Variants in RBFOX1 observed in about 807,000 individuals in gnomAD.
The protein encoded by RBFOX1 is RNA binding protein fox-1 homolog 1.
RBFOX1 carries 8 observed loss-of-function variants against 57.7 expected under a neutral mutation model. That is an observed-to-expected ratio of 0.14 (90% CI 0.08 to 0.25). The LOEUF is 0.25. RBFOX1 is among the 10% of genes least tolerant of loss of function. The probability of loss-of-function intolerance (pLI) is 1.00; values close to 1 mark genes in which losing one functional copy is unlikely to be tolerated. For synonymous variants in RBFOX1, 326 were observed against 222.4 expected, an observed-to-expected ratio of 1.47 and a Z score of -4.15; for missense variants, 611 against 548.5, an observed-to-expected ratio of 1.11 and a Z score of -1.14.
chr16:6,742,598 G>A (rs961169932), intron 3 of RBFOX1, among the ~76,000 whole-genome samples: 5 of 152,118 alleles, frequency 3.3e-5, no homozygotes, highest in Non-Finnish European at 7.4e-5. Context: ...TCTACAGTAG[G>A]TGAATGGTTA....
chr16:6,434,046 C>G (rs888570848), intron 2 of RBFOX1, among the ~76,000 whole-genome samples: 1 of 151,992 alleles, frequency 6.6e-6, no homozygotes, highest in Non-Finnish European at 1.5e-5. Context: ...TGGGGCTTCA[C>G]CATGTTGGTC....
In RBFOX1 at chr16:6,162,740, G is replaced by T. The variant is rs559503811; in HGVS notation, c.-127+142748G>T. Reference sequence around the variant, plus strand: ...ATACAATGTGCTTTTGCCTTTGTGTGTGCGTGTGTTTGAGATGGAGTCTTG... The same window carrying T: ...ATACAATGTGCTTTTGCCTTTGTGTTTGCGTGTGTTTGAGATGGAGTCTTG... On this transcript the variant is annotated intron_variant, in intron 1 of 15. Coordinates refer to ENST00000550418, the MANE Select transcript of RBFOX1 (RefSeq NM_018723.4). Among the ~76,000 whole-genome samples the T allele has an allele frequency of 4.6e-5, 7 of 152,092 alleles. 1 individual carries two copies. Among genetic ancestry groups the T allele is most frequent in the South Asian group, 4.2e-4 (2 of 4,808 alleles).
At chr16:6,815,641 G>C (rs1033631302) in intron 3 of RBFOX1, among the ~76,000 whole-genome samples, 1 of 152,028 alleles carries the variant, frequency 6.6e-6, no homozygotes, top group Admixed American at 6.6e-5. Flanking sequence ...ACTTTCTCAA[G>C]GCTACCTACT....
intron 1 of RBFOX1, among the ~76,000 whole-genome samples, chr16:6,231,094 G>A (rs754247505): frequency 3.3e-5 from 5 of 152,142 alleles, no homozygotes; most frequent in Non-Finnish European, 5.9e-5. Context: ...GGGTAAGTTG[G>A]CCAGGAAAGG....
chr16:7,519,187 CTTGTGCCCCTT>C (rs1049305675), intron 5 of RBFOX1, among the ~76,000 whole-genome samples: 41 of 152,272 alleles, frequency 2.7e-4, no homozygotes, highest in African/African-American at 8.2e-4. Context: ...AAATACAAAT[CTTGTGCCCCTT>C]TGCAGCCACT....
chr16:5,828,934 A>C (rs1458777638), intron 3 of RBFOX1, among the ~76,000 whole-genome samples: 2 of 152,226 alleles, frequency 1.3e-5, no homozygotes, highest in Admixed American at 6.5e-5. Flanking sequence ...GTGGGTCAGG[A>C]ATCCAGACAC....
intron 3 of RBFOX1, among the ~76,000 whole-genome samples, chr16:6,710,924 T>C (rs1441070952): frequency 1.3e-5 from 2 of 152,176 alleles, no homozygotes; most frequent in Non-Finnish European, 2.9e-5. Flanking sequence ...AGGGAGGGGA[T>C]GATGGGCAAA....
chr16:6,719,597 C>T lies in RBFOX1; in HGVS notation c.-16+64947C>T, dbSNP rs1016456695. Among the ~76,000 whole-genome samples, 20 of 151,752 alleles carry T rather than the reference C, an allele frequency of 1.3e-4. 1 individual carries two copies. The highest frequency in any genetic ancestry group is 1.9e-4 in the African/African-American group (8 of 41,382). On this transcript the variant is annotated intron_variant, in intron 3 of 15. Transcript: ENST00000550418. ...CTGGGACTACAGGTGCCCATCACCACGCCCGGCTAATTTTTTTTTTTTGTA... is the reference window on the plus strand; with the variant it reads ...CTGGGACTACAGGTGCCCATCACCATGCCCGGCTAATTTTTTTTTTTTGTA...
intron 1 of RBFOX1, among the ~76,000 whole-genome samples, chr16:6,280,961 G>A (rs2076315658): frequency 6.7e-6 from 1 of 149,588 alleles, no homozygotes; most frequent in Non-Finnish European, 1.5e-5. Context: ...ATATGTGTGT[G>A]TGTGTGTATG....
At chr16:6,955,853 A>G (rs1568067856) in intron 3 of RBFOX1, among the ~76,000 whole-genome samples, 1 of 151,966 alleles carries the variant, frequency 6.6e-6, no homozygotes. Flanking sequence ...TTATAGATGC[A>G]TGCCACCATG....
chr16:5,786,857 C>A (rs145034254), intron 3 of RBFOX1, among the ~76,000 whole-genome samples: 1 of 152,080 alleles, frequency 6.6e-6, no homozygotes, highest in Non-Finnish European at 1.5e-5. Flanking sequence ...AGAATGAAGC[C>A]GGGCATGGCA....
At chr16:6,548,623 A>C (rs2153859804) in intron 2 of RBFOX1, among the ~76,000 whole-genome samples, 1 of 152,344 alleles carries the variant, frequency 6.6e-6, no homozygotes, top group East Asian at 1.9e-4. Context: ...TGAAGGAAAA[A>C]AGAATTAAAT....
intron 3 of RBFOX1, among the ~76,000 whole-genome samples, chr16:6,771,617 T>C (rs2078310791): frequency 6.6e-6 from 1 of 152,194 alleles, no homozygotes; most frequent in Non-Finnish European, 1.5e-5. Flanking sequence ...TCAGCAGTTC[T>C]CAACTGTGGA....
intron 1 of RBFOX1, among the ~76,000 whole-genome samples, chr16:6,046,300 G>A (rs1340961026): frequency 1.3e-5 from 2 of 152,168 alleles, no homozygotes; most frequent in African/African-American, 4.8e-5. Context: ...ATAGGGGGAT[G>A]AGGAAAAGGG....
At chr16:7,238,386 C>T (rs1213917442) in intron 4 of RBFOX1, among the ~76,000 whole-genome samples, 1 of 152,090 alleles carries the variant, frequency 6.6e-6, no homozygotes, top group African/African-American at 2.4e-5. Flanking sequence ...CTGCTTTCTG[C>T]ACATCTGCCA....
chr16:6,918,755 A>G (rs761912132), intron 3 of RBFOX1, among the ~76,000 whole-genome samples: 5 of 152,100 alleles, frequency 3.3e-5, no homozygotes, highest in Non-Finnish European at 7.4e-5. Context: ...TCTCACGTTG[A>G]TATTATGGTT....
intron 3 of RBFOX1, among the ~76,000 whole-genome samples, chr16:5,758,013 A>G (rs1196124695): frequency 1.3e-5 from 2 of 152,168 alleles, no homozygotes; most frequent in South Asian, 2.1e-4. Flanking sequence ...AGCTTCCCAG[A>G]AAAACATCTC....
chr16:6,304,911 T>C (rs2079294539), intron 1 of RBFOX1, among the ~76,000 whole-genome samples: 1 of 148,198 alleles, frequency 6.7e-6, no homozygotes, highest in Non-Finnish European at 1.5e-5. Context: ...TTCCTATATC[T>C]GAGAGACGTT....
chr16:7,417,254 C>G (rs1424020409), intron 4 of RBFOX1, among the ~76,000 whole-genome samples: 1 of 151,244 alleles, frequency 6.6e-6, no homozygotes, highest in Non-Finnish European at 1.5e-5. Flanking sequence ...GTGCCTGTAA[C>G]CACAGCTACT....
Sources: allele counts gnomAD v4.1 joint callset (sites outside exome capture counted in the v4.1 genomes callset), GRCh38; gene constraint gnomAD v4.1.1; transcripts MANE v1.5; gene names NCBI Gene and HGNC (gene_info 2026-07-23, HGNC 2026-07-21).